Variants in CYFIP1 observed in about 807,000 individuals in gnomAD.
The protein encoded by CYFIP1 is cytoplasmic FMR1-interacting protein 1.
CYFIP1 carries 58 observed loss-of-function variants against 163.5 expected under a neutral mutation model. That is an observed-to-expected ratio of 0.35 (90% confidence interval 0.29 to 0.44). CYFIP1 has a LOEUF of 0.44. Among genes scored for constraint, CYFIP1 ranks in the 20% least tolerant of loss-of-function variants. The pLI is 1.00. For missense variants in CYFIP1, 1,338 were observed against 1,653.8 expected (o/e 0.81, Z 3.31); for synonymous variants, 663 against 660.7 (o/e 1.00, Z -0.05).
Position 22,868,462 on chromosome 15 carries a change from A to G in CYFIP1, c.*1566T>C, listed in dbSNP as rs1289384207. 1 of 145,250 alleles carries G rather than the reference A, an allele frequency of 6.9e-6. No homozygotes were observed. The highest frequency in any genetic ancestry group is 1.5e-5 in the Non-Finnish European group (1 of 67,982). 9.0% of individuals were successfully genotyped at this position (145,250 alleles called of 1,614,324 possible). ...TAATTAAGCCTTATAAAACTTGGTAATTGATTAAGTTTTACCATAATTTTT... is the reference window on the plus strand; with the variant it reads ...TAATTAAGCCTTATAAAACTTGGTAGTTGATTAAGTTTTACCATAATTTTT... On this transcript the variant is annotated 3_prime_UTR_variant, in exon 31 of 31. Coordinates refer to ENST00000617928, the MANE Select transcript of CYFIP1 (RefSeq NM_014608.6).
intron 1 of CYFIP1, among the ~76,000 whole-genome samples, chr15:22,973,624 C>T (rs897610017): frequency 4.6e-5 from 7 of 152,214 alleles, no homozygotes; most frequent in East Asian, 1.9e-4. Context: ...TGAGTGAGAT[C>T]GTGCAGTACT....
At chr15:22,936,330 G>A (rs2142261626) in intron 9 of CYFIP1, among the ~76,000 whole-genome samples, 1 of 152,220 alleles carries the variant, frequency 6.6e-6, no homozygotes, top group African/African-American at 2.4e-5. Context: ...AATCAATAGG[G>A]AAAAAAGAGC....
chr15:22,919,719 A>G (rs529590469), intron 13 of CYFIP1, among the ~76,000 whole-genome samples: 56 of 152,306 alleles, frequency 3.7e-4, no homozygotes, highest in Non-Finnish European at 6.9e-4. Context: ...TACATTTGGG[A>G]AAATCTTAAC....
At chr15:22,976,118 T>G (rs899343546) in intron 1 of CYFIP1, among the ~76,000 whole-genome samples, 2 of 152,208 alleles carry the variant, frequency 1.3e-5, no homozygotes, top group Non-Finnish European at 2.9e-5. Context: ...AAGTATTTGA[T>G]TCCTTTGAAG....
At chr15:22,870,281 C>G in intron 30 of CYFIP1, 89 bp from the exon 31 acceptor site, 1 of 1,450,020 alleles carries the variant, frequency 6.9e-7, no homozygotes, top group South Asian at 1.3e-5. Context: ...TATATTTTCT[C>G]AGAAAAATAA....
At chr15:22,975,950 G>A (rs2063260084) in intron 1 of CYFIP1, among the ~76,000 whole-genome samples, 1 of 151,900 alleles carries the variant, frequency 6.6e-6, no homozygotes, top group African/African-American at 2.4e-5. Context: ...AATTGGAATT[G>A]GGTTAAATTT....
chr15:22,951,513 G>C (rs765859756), intron 1 of CYFIP1: 46 of 1,288,234 alleles, frequency 3.6e-5, no homozygotes, highest in Non-Finnish European at 4.2e-5. Context: ...ACGTGCTTCG[G>C]CCCCATAGGG....
At chr15:22,884,638 G>A (rs893328080) in intron 23 of CYFIP1, among the ~76,000 whole-genome samples, 1 of 152,130 alleles carries the variant, frequency 6.6e-6, no homozygotes, top group Admixed American at 6.5e-5. Flanking sequence ...ACTGGGGTCT[G>A]GAGGAGGGTG....
In CYFIP1 at chr15:22,869,824, A is replaced by G; in HGVS notation, c.*204T>C. The G allele has an allele frequency of 2.3e-6, 1 of 431,964 alleles. No homozygotes were observed. The highest frequency in any genetic ancestry group is 3.9e-5 in the East Asian group (1 of 25,692). The allele number at this position is 431,964 out of a possible 1,614,324, so 26.8% of individuals were successfully genotyped here. On this transcript the variant is annotated 3_prime_UTR_variant, in exon 31 of 31. Transcript: ENST00000617928. ...GTGATGGCAACAATCAGCAGCCAAT[A>G]TTCTCAAGAGTTCCTAATTACCAAA...
At chr15:22,978,658 A>C (rs909992697) in intron 1 of CYFIP1, among the ~76,000 whole-genome samples, 13 of 152,120 alleles carry the variant, frequency 8.5e-5, no homozygotes, top group African/African-American at 2.7e-4. Context: ...ATAGTTTTGT[A>C]ATTTTTCTCA....
intron 1 of CYFIP1, among the ~76,000 whole-genome samples, chr15:22,977,167 C>A (rs536086642): frequency 7.9e-4 from 120 of 151,788 alleles, no homozygotes; most frequent in African/African-American, 2.8e-3. Flanking sequence ...CCATTGCACT[C>A]TAGCCTGGGC....
chr15:22,883,355 C>A (rs1452209883), intron 23 of CYFIP1, among the ~76,000 whole-genome samples: 2 of 152,182 alleles, frequency 1.3e-5, no homozygotes, highest in African/African-American at 4.8e-5. Context: ...CAAGGTCGGA[C>A]CCTGAAGGGG....
At chr15:22,964,576 GC>G (rs2062837809) in intron 1 of CYFIP1, among the ~76,000 whole-genome samples, 1 of 152,122 alleles carries the variant, frequency 6.6e-6, no homozygotes. Context: ...ACCAAGTGCA[GC>G]CGGCGAAGAT....
chr15:22,933,627 T>C (rs565599364), intron 10 of CYFIP1, among the ~76,000 whole-genome samples, 175 bp downstream of exon 10: 2 of 152,298 alleles, frequency 1.3e-5, no homozygotes, highest in South Asian at 4.1e-4. Context: ...ATTGTATTTT[T>C]CAATAAACTT....
At chr15:22,969,642 T>C (rs2063022410) in intron 1 of CYFIP1, among the ~76,000 whole-genome samples, 1 of 152,164 alleles carries the variant, frequency 6.6e-6, no homozygotes, top group Non-Finnish European at 1.5e-5. Context: ...AAATGACAGA[T>C]GTAAATCCCA....
At chr15:22,950,606 C>T (rs1425330512) in intron 1 of CYFIP1, among the ~76,000 whole-genome samples, 1 of 152,244 alleles carries the variant, frequency 6.6e-6, no homozygotes. Flanking sequence ...AAACGGAAAA[C>T]TCCATTCACA....
At chr15:22,953,129 C>T (rs1001292948) in intron 1 of CYFIP1, among the ~76,000 whole-genome samples, 1 of 152,240 alleles carries the variant, frequency 6.6e-6, no homozygotes. Flanking sequence ...TTCTGCCTCA[C>T]CCTGTTAGGC....
intron 1 of CYFIP1, among the ~76,000 whole-genome samples, chr15:22,976,995 T>G (rs1595747073): frequency 6.6e-6 from 1 of 151,934 alleles, no homozygotes; most frequent in African/African-American, 2.4e-5. Flanking sequence ...AGGTTGGGAG[T>G]TCCAGACCAG....
intron 1 of CYFIP1, among the ~76,000 whole-genome samples, chr15:22,948,194 GA>G (rs1442347187): frequency 6.6e-6 from 1 of 152,162 alleles, no homozygotes; most frequent in Admixed American, 6.5e-5. Flanking sequence ...AGGGACCCAG[GA>G]AGCCCCAGTG....
Sources: gnomAD v4.1 joint callset for allele counts (sites outside exome capture counted in the v4.1 genomes callset) on GRCh38, gnomAD v4.1.1 for gene constraint, MANE v1.5 for transcripts, NCBI Gene and HGNC (gene_info 2026-07-23, HGNC 2026-07-21) for gene names.